The following MACF1 variants were observed in gnomAD, a reference collection of about 807,000 sequenced individuals.
MACF1 encodes the protein microtubule actin crosslinking factor 1, also known as microtubule-actin cross-linking factor 1.
MACF1 carries 193 observed loss-of-function variants against 854.8 expected under a neutral mutation model. The ratio of observed to expected loss-of-function variants is 0.23; its 90% CI spans 0.20 to 0.25. The LOEUF (loss-of-function observed/expected upper bound fraction) is 0.25. MACF1 is among the 10% of genes least tolerant of loss of function. MACF1 has a pLI of 1.00. For synonymous variants in MACF1, 3,185 were observed against 3,226.7 expected (o/e 0.99, Z 0.44); for missense variants, 7,722 against 8,929.1 (o/e 0.86, Z 5.45).
At chr1:39,483,851 C>T (rs1017246550) in intron 99 of MACF1, among the ~76,000 whole-genome samples, 8 of 152,172 alleles carry the variant, frequency 5.3e-5, no homozygotes, top group African/African-American at 1.4e-4. Context: ...ACTGCACCTA[C>T]TTAGTGTTAA....
At position 39,422,381 on chromosome 1, in the gene MACF1, A is replaced by G. The variant is rs149593573; in HGVS notation, c.15824A>G (p.Gln5275Arg). The change falls in exon 59 of 101, where the codon CAG (glutamine) becomes CGG (arginine). Residue 5275 changes from glutamine (Q) to arginine (R), a missense_variant. Coordinates refer to ENST00000564288, the MANE Select transcript of MACF1 (RefSeq NM_001394062.1). ...TGGCTTGTAATTATCTAGATGTTTC[A>G]GAAAGAACAAGTGGATCCTCTTCAG... is the stretch of plus-strand genomic sequence containing the variant. ...NQQLADFKMF[Q>R]KEQVDPLQMK... 2 of 1,613,694 alleles carry G rather than the reference A, an allele frequency of 1.2e-6. No individual in the cohort carries two copies. The highest frequency in any genetic ancestry group is 1.7e-6 in the Non-Finnish European group (2 of 1,179,806).
rs200233678 is a variant in MACF1, at chr1:39,387,188, C to T, written c.14346C>T (p.Ala4782=). 2.9e-4 allele frequency: 459 copies of T among 1,608,988 alleles called. No individual in the cohort carries two copies. In the Middle Eastern group the frequency reaches 3.3e-3, roughly 12 times the overall value. The change falls in exon 58 of 101, where the codon GCC becomes GCT. Residue 4782 remains alanine, a splice_region_variant and synonymous_variant. Coordinates refer to ENST00000564288, the MANE Select transcript of MACF1 (RefSeq NM_001394062.1). ...TTCAATTTTATTTTCTCATTTCAGC[C>T]GATCGCATTAACAGACTCCAGGCAG... is the stretch of plus-strand genomic sequence containing the variant. The part of the protein sequence containing the change: ...LPLQGLEDLA[A]DRINRLQAAL...
At chr1:39,476,433 G>A (rs1490300637) in intron 97 of MACF1, among the ~76,000 whole-genome samples, 1 of 152,068 alleles carries the variant, frequency 6.6e-6, no homozygotes, top group African/African-American at 2.4e-5. Context: ...AGCCAAGCGT[G>A]GTGGCCACGC....
intron 52 of MACF1, among the ~76,000 whole-genome samples, chr1:39,377,901 G>A (rs966767556): frequency 1.3e-5 from 2 of 151,958 alleles, no homozygotes; most frequent in Non-Finnish European, 2.9e-5. Context: ...CTGTTTGAGA[G>A]GCTGAGATGG....
chr1:39,115,009 A>T (rs892915990), intron 2 of MACF1, among the ~76,000 whole-genome samples: 2 of 152,176 alleles, frequency 1.3e-5, no homozygotes, highest in African/African-American at 4.8e-5. Flanking sequence ...AGGTTGGAGC[A>T]TAGGATGTGA....
At chr1:39,132,665 C>G (rs1459305535) in intron 2 of MACF1, among the ~76,000 whole-genome samples, 4 of 152,128 alleles carry the variant, frequency 2.6e-5, no homozygotes, top group Admixed American at 2.0e-4. Flanking sequence ...CCCCTTCCTT[C>G]TGGAAGAAAT....
chr1:39,229,747 CT>C (rs1019070486), intron 1 of MACF1, among the ~76,000 whole-genome samples: 2 of 151,984 alleles, frequency 1.3e-5, no homozygotes, highest in Non-Finnish European at 2.9e-5. Context: ...TGTTCTTTTT[CT>C]TTTTATGAGA....
chr1:39,387,516 G>A lies in MACF1; in HGVS notation c.14674G>A (p.Ala4892Thr). Residue 4892 changes from alanine (A) to threonine (T), a missense_variant, in exon 58 of 101, where the codon GCA (alanine) becomes ACA (threonine). Physicochemically the swap from Ala to Thr is moderately conservative, Grantham distance 58. Around this residue, in one of 15 missense-constraint regions of MACF1, gnomAD observed 2,807 missense variants for 3,235.8 expected, o/e 0.87. Coordinates refer to ENST00000564288, the MANE Select transcript of MACF1 (RefSeq NM_001394062.1). ...NHWEELSKKT[A>T]DRQSRLKDCM... ...TTGGGAAGAGCTTAGTAAAAAAACT[G>A]CAGACAGACAATCCAGGCTCAAGGA... is the stretch of plus-strand genomic sequence containing the variant. 1.9e-6 allele frequency: 3 copies of A among 1,614,160 alleles called. No homozygotes were observed. The highest frequency in any genetic ancestry group is 2.5e-6 in the Non-Finnish European group (3 of 1,180,032).
chr1:39,230,244 GT>G (rs1409125257), intron 1 of MACF1, among the ~76,000 whole-genome samples: 21 of 152,342 alleles, frequency 1.4e-4, no homozygotes, highest in Middle Eastern at 3.4e-3. Flanking sequence ...ATGAGTGCCA[GT>G]GGAGCCAAGT....
At position 39,306,151 on chromosome 1, in the gene MACF1, T is replaced by G. The variant is rs546614343; in HGVS notation, c.2789+3073T>G. The stretch of plus-strand genomic sequence containing the variant: ...TTATGAATAAATTATTTTATTTACT[T>G]TCTTTACTTTTTTTTTTTTTTGGTT... On this transcript the variant is annotated intron_variant, in intron 23 of 100. Coordinates refer to ENST00000564288, the MANE Select transcript of MACF1 (RefSeq NM_001394062.1). Among the ~76,000 whole-genome samples the G allele has an allele frequency of 1.1e-3, 172 of 152,116 alleles. 1 individual carries two copies. The highest frequency in any genetic ancestry group is 3.8e-3 in the African/African-American group (158 of 41,544).
chr1:39,276,476 C>T (rs1645439969), intron 6 of MACF1, among the ~76,000 whole-genome samples: 1 of 152,132 alleles, frequency 6.6e-6, no homozygotes, highest in Non-Finnish European at 1.5e-5. Context: ...CTATCGGTTC[C>T]CAATTTAAAC....
intron 2 of MACF1, among the ~76,000 whole-genome samples, chr1:39,130,629 G>A (rs755396262): frequency 1.3e-5 from 2 of 152,168 alleles, no homozygotes; most frequent in Non-Finnish European, 2.9e-5. Context: ...TTGTGGAGAT[G>A]TTCCTGCTCT....
chr1:39,146,449 C>CAAAA (rs775912882), intron 2 of MACF1, among the ~76,000 whole-genome samples: 4 of 93,066 alleles, frequency 4.3e-5, no homozygotes, highest in Admixed American at 1.2e-4. Flanking sequence ...TCTCCTCTCC[C>CAAAA]AAAAAAAAAA....
At chr1:39,437,284 A>G (rs1041571247) in intron 70 of MACF1, among the ~76,000 whole-genome samples, 5 of 151,790 alleles carry the variant, frequency 3.3e-5, no homozygotes, top group African/African-American at 9.7e-5. Flanking sequence ...TATATGCCCA[A>G]AACAGTTTTG....
rs1644537128 is a variant in MACF1 at position 39,460,782 on chromosome 1, A to G, written c.21511A>G (p.Ile7171Val). 1.2e-6 allele frequency: 2 copies of G among 1,614,056 alleles called. No individual in the cohort carries two copies. Among genetic ancestry groups the G allele is most frequent in the African/African-American group, 1.3e-5 (1 of 74,936 alleles). ...AACACGTCAGGAGTTTATCGATGGCATTTTAGCATCCAGTGAGTCTAGTCA... is the reference window on the plus strand; with the variant it reads ...AACACGTCAGGAGTTTATCGATGGCGTTTTAGCATCCAGTGAGTCTAGTCA... ...KITRQEFIDG[I>V]LASKFPTTKL... Residue 7171 changes from isoleucine (I) to valine (V), a missense_variant, in exon 92 of 101, where the codon ATT becomes GTT. Physicochemically the swap from Ile to Val is conservative, Grantham distance 29. Around this residue, in one of 15 missense-constraint regions of MACF1, gnomAD observed 153 missense variants for 342.5 expected, o/e 0.45. Coordinates refer to ENST00000564288, the MANE Select transcript of MACF1 (RefSeq NM_001394062.1). The surrounding 1 kb of genome is among the most constrained non-coding windows in gnomAD (Gnocchi z 4.1).
In MACF1 at chr1:39,335,763, G is replaced by T. The variant is rs147943450; in HGVS notation, c.9175G>T (p.Asp3059Tyr). 353 of 1,614,056 alleles carry T rather than the reference G, an allele frequency of 2.2e-4. No homozygotes were observed. The highest frequency in any genetic ancestry group is 2.7e-4 in the Non-Finnish European group (324 of 1,179,966). ...VPQGISVKHL[D>Y]ALTLFSSKQA... ...TCAAGGAATTTCTGTAAAACATTTAGATGCTTTAACACTCTTCAGCTCTAA... is the reference window on the plus strand; with the variant it reads ...TCAAGGAATTTCTGTAAAACATTTATATGCTTTAACACTCTTCAGCTCTAA... Residue 3059 changes from aspartate to tyrosine, a missense_variant, in exon 37 of 101, where the codon GAT (aspartate) becomes TAT (tyrosine). This residue lies in a region of MACF1 where 854 missense variants were observed against 852.6 expected (regional missense o/e 1.00). Transcript: ENST00000564288.
rs183705932 is a variant in MACF1 at position 39,329,620 on chromosome 1, A to G, written c.4615-1583A>G. 6.6e-5 allele frequency among the ~76,000 whole-genome samples: 10 copies of G among 152,334 alleles called. 1 individual carries two copies. In the East Asian group the frequency reaches 1.7e-3, roughly 26 times the overall value. On this transcript the variant is annotated intron_variant, in intron 36 of 100. Transcript: ENST00000564288. ...AGTAATCAGAAAGTAGCACTGACCA[A>G]AGAGGGACAGATAAAATTATATACA... is the stretch of plus-strand genomic sequence containing the variant.
intron 1 of MACF1, among the ~76,000 whole-genome samples, chr1:39,225,659 CTT>C (rs1046952180): frequency 1.3e-5 from 2 of 152,174 alleles, no homozygotes; most frequent in Non-Finnish European, 2.9e-5. Flanking sequence ...TGGGCTCTCT[CTT>C]GTTTGTTTAT....
chr1:39,455,205 C>A, intron 89 of MACF1, 108 bp downstream of exon 89: 2 of 1,072,608 alleles, frequency 1.9e-6, no homozygotes, highest in Admixed American at 2.2e-5. Flanking sequence ...CACATTACCA[C>A]AGACTTAGCA....
Sources: gnomAD v4.1 joint callset for allele counts (sites outside exome capture counted in the v4.1 genomes callset) on GRCh38, gnomAD v4.1.1 for gene constraint, gnomAD v4.1.1 regional missense constraint, Gnocchi (gnomAD v3.1) non-coding constraint, MANE v1.5 for transcripts, NCBI Gene and HGNC (gene_info 2026-07-23, HGNC 2026-07-21) for gene names.